ULK2: variants seen among roughly 807,000 people sequenced by gnomAD.
ULK2 encodes the protein unc-51 like autophagy activating kinase 2, also known as serine/threonine-protein kinase ULK2.
ULK2 carries 76 observed loss-of-function variants against 127.5 expected under a neutral mutation model. The ratio of observed to expected loss-of-function variants is 0.60; its 90% CI spans 0.50 to 0.72. ULK2 has a LOEUF of 0.72. Ranked by LOEUF, ULK2 falls within the 30% of genes least tolerant of loss-of-function variation. The pLI is 0.00. For synonymous variants in ULK2, 452 were observed against 461.9 expected, an observed-to-expected ratio of 0.98 and a Z score of 0.28; for missense variants, 1,144 against 1,295.9, an observed-to-expected ratio of 0.88 and a Z score of 1.80.
chr17:19,851,883 T>C (rs1347317593), intron 3 of ULK2, among the ~76,000 whole-genome samples: 1 of 150,822 alleles, frequency 6.6e-6, no homozygotes, highest in East Asian at 2.0e-4. Flanking sequence ...CCACCTCCAC[T>C]AGAAATACAA....
chr17:19,831,734 G>A (rs1475439585), intron 10 of ULK2, among the ~76,000 whole-genome samples: 1 of 152,118 alleles, frequency 6.6e-6, no homozygotes, highest in Non-Finnish European at 1.5e-5. Flanking sequence ...GGCTGAGGCA[G>A]AAGAATCGCT....
At chr17:19,840,211 C>T in intron 9 of ULK2, 1 of 499,046 alleles carries the variant, frequency 2.0e-6, no homozygotes. Flanking sequence ...TCTCCGGACA[C>T]CCGACGGGCG....
intron 20 of ULK2, among the ~76,000 whole-genome samples, chr17:19,789,262 T>C (rs1288548147): frequency 1.3e-5 from 2 of 151,660 alleles, no homozygotes; most frequent in African/African-American, 4.9e-5. Context: ...CCATTAGTTG[T>C]TCACCTTTTG....
chr17:19,826,207 G>T, intron 10 of ULK2, 21 bp from the exon 11 acceptor site: 5 of 1,401,582 alleles, frequency 3.6e-6, no homozygotes, highest in East Asian at 5.2e-5. Context: ...AAATGAGAAT[G>T]CAACCTTTAA....
intron 2 of ULK2, 72 bp downstream of exon 2, chr17:19,865,664 A>G (rs2042336712): frequency 1.1e-6 from 1 of 897,484 alleles, no homozygotes; most frequent in Non-Finnish European, 1.6e-6. Context: ...CAAAATTGAA[A>G]AGGATGGCAG....
chr17:19,780,589 G>C lies in ULK2; in HGVS notation c.2799C>G (p.Thr933=). 6.2e-7 allele frequency: 1 copy of C among 1,612,986 alleles called. No individual in the cohort carries two copies. The highest frequency in any genetic ancestry group is 8.5e-7 in the Non-Finnish European group (1 of 1,179,636). ...NLNERYKFCI[T]MCKKLTEKLN... is the part of the protein sequence containing the mutation. ...GCTTTTCTGTAAGTTTCTTGCACATGGTGATGCAGAATTTATATCGTTCGT... is the reference window on the plus strand; with the variant it reads ...GCTTTTCTGTAAGTTTCTTGCACATCGTGATGCAGAATTTATATCGTTCGT... Residue 933 remains threonine, a synonymous_variant, in exon 25 of 27, where the codon ACC becomes ACG. Coordinates refer to ENST00000395544, the MANE Select transcript of ULK2 (RefSeq NM_014683.4).
chr17:19,864,129 G>A (rs780766855), intron 3 of ULK2, among the ~76,000 whole-genome samples: 13 of 151,878 alleles, frequency 8.6e-5, no homozygotes, highest in Non-Finnish European at 1.5e-4. Context: ...CAACACAGAG[G>A]GACCCTATCT....
intron 20 of ULK2, among the ~76,000 whole-genome samples, chr17:19,790,150 C>T (rs1360482211): frequency 6.6e-6 from 1 of 152,136 alleles, no homozygotes; most frequent in Admixed American, 6.5e-5. Context: ...GGAGTGGTGG[C>T]TCAAGCCTGT....
chr17:19,810,925 A>C (rs529211419), intron 13 of ULK2: 2 of 152,592 alleles, frequency 1.3e-5, no homozygotes, highest in South Asian at 4.1e-4. Flanking sequence ...CCTCCTGCAT[A>C]ACACTCTCTC....
intron 10 of ULK2, among the ~76,000 whole-genome samples, chr17:19,828,049 TAATAAG>T (rs1266844110): frequency 6.6e-6 from 1 of 152,152 alleles, no homozygotes; most frequent in South Asian, 2.1e-4. Flanking sequence ...CAGGGATCCT[TAATAAG>T]AATATCAGCC....
chr17:19,851,318 CTT>C (rs1329525575), intron 3 of ULK2, among the ~76,000 whole-genome samples: 15 of 110,824 alleles, frequency 1.4e-4, no homozygotes, highest in East Asian at 4.7e-4. Context: ...CAGAGTGAGA[CTT>C]CCCCTCAAAA....
intron 20 of ULK2, among the ~76,000 whole-genome samples, chr17:19,790,589 G>A (rs2087130989): frequency 6.6e-6 from 1 of 151,904 alleles, no homozygotes; most frequent in South Asian, 2.1e-4. Context: ...GAGGGAAGAA[G>A]GAAGGAAGGA....
chr17:19,800,108 A>G (rs1241968489), intron 16 of ULK2, among the ~76,000 whole-genome samples: 2 of 152,126 alleles, frequency 1.3e-5, no homozygotes, highest in Non-Finnish European at 2.9e-5. Flanking sequence ...TCAGACCTAC[A>G]CCACAGTCTG....
chr17:19,822,966 G>A (rs928944598), intron 12 of ULK2, among the ~76,000 whole-genome samples: 3 of 150,544 alleles, frequency 2.0e-5, no homozygotes, highest in Middle Eastern at 3.5e-3. Context: ...GATTACAGGC[G>A]TGAGTCACCA....
intron 14 of ULK2, among the ~76,000 whole-genome samples, chr17:19,805,952 T>A (rs891944616): frequency 6.6e-6 from 1 of 152,264 alleles, no homozygotes; most frequent in African/African-American, 2.4e-5. Flanking sequence ...AGTGTGCTTC[T>A]ATGAGCTCTC....
intron 13 of ULK2, among the ~76,000 whole-genome samples, chr17:19,812,124 C>T (rs960892299): frequency 1.3e-5 from 2 of 152,128 alleles, no homozygotes; most frequent in African/African-American, 2.4e-5. Flanking sequence ...TCACAGAACT[C>T]CAAAATGCTT....
At chr17:19,808,368 T>C (rs368556476) in intron 14 of ULK2, among the ~76,000 whole-genome samples, 3 of 151,968 alleles carry the variant, frequency 2.0e-5, no homozygotes, top group Admixed American at 2.0e-4. Flanking sequence ...GACATAAGAG[T>C]AGGCAATGAT....
chr17:19,794,375 G>C (rs1473127291), intron 20 of ULK2, among the ~76,000 whole-genome samples: 1 of 152,054 alleles, frequency 6.6e-6, no homozygotes, highest in Non-Finnish European at 1.5e-5. Context: ...AGCAGTAATG[G>C]CTGAAAAACT....
In ULK2 at chr17:19,838,485, T is replaced by TA. The variant is rs1399533595; in HGVS notation, c.787+15dup. The TA allele has an allele frequency of 1.9e-6, 3 of 1,595,534 alleles. No individual in the cohort carries two copies. The highest frequency in any genetic ancestry group is 3.6e-5 in the Admixed American group (2 of 55,978). ...ATAAAATTAGAAAACATGCAAAAGT[T>TA]AAAACTATTTCTTACCAAAGTCCAT... On this transcript the variant is annotated intron_variant, in intron 10 of 26. Transcript: ENST00000395544.
Sources: gnomAD v4.1 joint callset for allele counts (sites outside exome capture counted in the v4.1 genomes callset) on GRCh38, gnomAD v4.1.1 for gene constraint, MANE v1.5 for transcripts, NCBI Gene and HGNC (gene_info 2026-07-23, HGNC 2026-07-21) for gene names.